Variants in HCN1 observed in about 807,000 individuals in gnomAD.
HCN1 encodes the protein hyperpolarization activated cyclic nucleotide gated potassium channel 1.
Under a neutral mutation model 78.9 loss-of-function variants are expected in HCN1, and 13 were observed. The ratio of observed to expected loss-of-function variants is 0.16; its 90% CI spans 0.11 to 0.26. The LOEUF (loss-of-function observed/expected upper bound fraction) is 0.26, where lower values mean the gene tolerates loss of function less well. HCN1 is among the 10% of genes least tolerant of loss of function. The probability of loss-of-function intolerance (pLI) is 1.00; values close to 1 mark genes in which losing one functional copy is unlikely to be tolerated. For missense variants in HCN1, 810 were observed against 1,154.3 expected, an observed-to-expected ratio of 0.70 and a Z score of 4.32; for synonymous variants, 552 against 455.5, an observed-to-expected ratio of 1.21 and a Z score of -2.70.
chr5:45,510,743 G>A (rs1229552726), intron 2 of HCN1, among the ~76,000 whole-genome samples: 1 of 151,950 alleles, frequency 6.6e-6, no homozygotes, highest in East Asian at 1.9e-4. Flanking sequence ...CATTCCAGGT[G>A]GGCAAAAGAA....
chr5:45,486,121 T>C lies in HCN1; in HGVS notation c.850-24114A>G, dbSNP rs557524033. Among the ~76,000 whole-genome samples the C allele has an allele frequency of 1.4e-4, 22 of 152,308 alleles. No homozygotes were observed. In the South Asian group the frequency reaches 1.4e-3, roughly 10 times the overall value. On this transcript the variant is annotated intron_variant, in intron 2 of 7. Transcript: ENST00000303230. ...CAGTCTGACTTTGGAGATCATGTTC[T>C]AGGCTTCACAAAATATTTTCTCTAT...
intron 2 of HCN1, among the ~76,000 whole-genome samples, chr5:45,477,031 C>T (rs1298068803): frequency 3.9e-5 from 6 of 152,168 alleles, no homozygotes; most frequent in African/African-American, 1.4e-4. Context: ...CCAAGGCATA[C>T]GTAGATGAGT....
intron 2 of HCN1, among the ~76,000 whole-genome samples, chr5:45,495,025 A>G (rs1183848835): frequency 9.7e-5 from 14 of 144,356 alleles, no homozygotes; most frequent in African/African-American, 3.6e-4. Flanking sequence ...GTTTGAAGTC[A>G]GGTAGTGTGA....
chr5:45,261,077 C>A lies in HCN1; in HGVS notation c.*844G>T, dbSNP rs929880939. 1.3e-5 allele frequency: 2 copies of A among 152,558 alleles called. No individual in the cohort carries two copies. The highest frequency in any genetic ancestry group is 2.4e-5 in the African/African-American group (1 of 41,422). The allele number at this position is 152,558 out of a possible 1,614,324, so 9.5% of individuals were successfully genotyped here. ...GCCATTGCATTACAATTGAATAATT[C>A]TCACAATCAGGTTTTGTAAAATTTA... On this transcript the variant is annotated 3_prime_UTR_variant, in exon 8 of 8. Transcript: ENST00000303230.
intron 2 of HCN1, among the ~76,000 whole-genome samples, chr5:45,489,274 G>C (rs930975351): frequency 6.6e-6 from 1 of 152,058 alleles, no homozygotes; most frequent in Admixed American, 6.6e-5. Context: ...GGGAAGCTAG[G>C]GCATGTAGGA....
chr5:45,507,447 T>G (rs754882354), intron 2 of HCN1, among the ~76,000 whole-genome samples: 1 of 152,180 alleles, frequency 6.6e-6, no homozygotes, highest in Non-Finnish European at 1.5e-5. Context: ...AAGAGGACTA[T>G]GACAGGATGG....
At chr5:45,601,676 G>C (rs1358172038) in intron 2 of HCN1, among the ~76,000 whole-genome samples, 4 of 152,094 alleles carry the variant, frequency 2.6e-5, no homozygotes, top group Admixed American at 2.6e-4. Context: ...TTCATGATTA[G>C]TTGTATTCAG....
intron 1 of HCN1, among the ~76,000 whole-genome samples, chr5:45,657,247 C>T (rs1006214091): frequency 2.6e-5 from 4 of 152,178 alleles, no homozygotes; most frequent in Admixed American, 1.3e-4. Flanking sequence ...CACTTACAAA[C>T]GAATTCAATG....
intron 2 of HCN1, among the ~76,000 whole-genome samples, chr5:45,567,530 A>T (rs1743732649): frequency 6.6e-6 from 1 of 151,146 alleles, no homozygotes; most frequent in African/African-American, 2.4e-5. Flanking sequence ...CTAAACCCAG[A>T]TGGTGAAAAG....
intron 3 of HCN1, among the ~76,000 whole-genome samples, chr5:45,441,088 G>C (rs2112086256): frequency 6.6e-6 from 1 of 152,120 alleles, no homozygotes; most frequent in Non-Finnish European, 1.5e-5. Flanking sequence ...TCATCTTTTT[G>C]GGGATGGCAT....
chr5:45,375,461 TATG>T (rs1224193583), intron 4 of HCN1, among the ~76,000 whole-genome samples: 9 of 106,428 alleles, frequency 8.5e-5, no homozygotes, highest in African/African-American at 3.8e-4. Flanking sequence ...TTATGATACA[TATG>T]ATATATAAGA....
chr5:45,375,012 C>G (rs1371437453), intron 4 of HCN1, among the ~76,000 whole-genome samples: 6 of 134,480 alleles, frequency 4.5e-5, no homozygotes, highest in Non-Finnish European at 7.7e-5. Flanking sequence ...CCATTTGACT[C>G]TGGAATCCTA....
intron 5 of HCN1, among the ~76,000 whole-genome samples, chr5:45,341,248 A>C (rs552556296): frequency 9.8e-5 from 15 of 152,346 alleles, no homozygotes; most frequent in Middle Eastern, 3.4e-3. Flanking sequence ...ATTTGCAAGG[A>C]AAAAATTCAA....
At chr5:45,296,791 A>ATC (rs1745502319) in intron 6 of HCN1, among the ~76,000 whole-genome samples, 1 of 152,030 alleles carries the variant, frequency 6.6e-6, no homozygotes, top group Admixed American at 6.6e-5. Flanking sequence ...GGGGACCCTA[A>ATC]AAGAGAATGA....
At chr5:45,602,093 G>A (rs1052883792) in intron 2 of HCN1, among the ~76,000 whole-genome samples, 3 of 152,010 alleles carry the variant, frequency 2.0e-5, no homozygotes, top group Non-Finnish European at 2.9e-5. Context: ...GGTGCCTTCT[G>A]CCGTGATTGT....
Position 45,665,874 on chromosome 5 carries a change from C to A in HCN1, c.426-20266G>T, listed in dbSNP as rs566711772. Among the ~76,000 whole-genome samples the A allele has an allele frequency of 2.6e-5, 4 of 152,184 alleles. No homozygotes were observed. The South Asian group carries it at 8.3e-4, about 32-fold the overall frequency. On this transcript the variant is annotated intron_variant, in intron 1 of 7. Coordinates refer to ENST00000303230, the MANE Select transcript of HCN1 (RefSeq NM_021072.4). The stretch of plus-strand genomic sequence containing the variant: ...CATTTCTACCTAATCTCTCTAATTT[C>A]TCTGACCTTTTCTCTCACTAATCCT...
chr5:45,593,448 G>A (rs1744426567), intron 2 of HCN1, among the ~76,000 whole-genome samples: 1 of 151,686 alleles, frequency 6.6e-6, no homozygotes, highest in African/African-American at 2.4e-5. Flanking sequence ...TATCCCTGAT[G>A]GTAGGCCATA....
intron 4 of HCN1, among the ~76,000 whole-genome samples, chr5:45,376,236 C>CTATATAATCTATATAGAATATAGAA (rs1443601098): frequency 3.6e-5 from 1 of 27,952 alleles, no homozygotes; most frequent in Non-Finnish European, 7.3e-5. Flanking sequence ...AATATATATT[C>CTATATAATCTATATAGAATATAGAA]TATATATTCT....
intron 4 of HCN1, among the ~76,000 whole-genome samples, chr5:45,387,222 G>A (rs1390636394): frequency 2.0e-5 from 3 of 151,866 alleles, no homozygotes; most frequent in African/African-American, 7.2e-5. Flanking sequence ...CAAAATGTAT[G>A]AGTTACTTCA....
Sources: gnomAD v4.1 joint callset for allele counts (sites outside exome capture counted in the v4.1 genomes callset) on GRCh38, gnomAD v4.1.1 for gene constraint, MANE v1.5 for transcripts, NCBI Gene and HGNC (gene_info 2026-07-23, HGNC 2026-07-21) for gene names.